Variants in WDR47 observed in about 807,000 individuals in gnomAD.
WDR47 encodes WD repeat-containing protein 47.
A neutral mutation model predicts 97.2 loss-of-function variants in WDR47; 32 were observed. The observed-to-expected ratio is 0.33, with a 90% CI of 0.25 to 0.44. WDR47 has a LOEUF of 0.44. WDR47 is among the 20% of genes least tolerant of loss of function. The pLI is 1.00. For missense variants in WDR47, 782 were observed against 1,102.3 expected (o/e 0.71, Z 4.11); for synonymous variants, 375 against 373.5 (o/e 1.00, Z -0.05).
chr1:108,985,238 C>T (rs910105151), intron 10 of WDR47, among the ~76,000 whole-genome samples: 15 of 152,174 alleles, frequency 9.9e-5, no homozygotes, highest in South Asian at 2.1e-4. Context: ...TCTATCTCTG[C>T]GGCCTTATCA....
At chr1:109,035,434 C>G (rs1468816960) in intron 1 of WDR47, among the ~76,000 whole-genome samples, 2 of 151,746 alleles carry the variant, frequency 1.3e-5, no homozygotes, top group Admixed American at 6.6e-5. Context: ...AGTTAACAAC[C>G]AATATATATT....
chr1:109,011,375 T>G lies in WDR47; in HGVS notation c.671A>C (p.Glu224Ala). ...KATGEEITES[E>A]VLLGIDLLCG... is the part of the protein sequence containing the mutation. ...TAAGAGGTCGATGCCAAGAAGCACTTCGCTTTCTGTAATTTCTTCTCCAGT... is the reference window on the plus strand; with the variant it reads ...TAAGAGGTCGATGCCAAGAAGCACTGCGCTTTCTGTAATTTCTTCTCCAGT... Residue 224 changes from glutamate (E) to alanine (A), a missense_variant, in exon 5 of 15, where the codon GAA (glutamate) becomes GCA (alanine). Around this residue, in one of 3 missense-constraint regions of WDR47, gnomAD observed 428 missense variants for 584.3 expected, o/e 0.73. Coordinates refer to ENST00000369962, the MANE Select transcript of WDR47 (RefSeq NM_001142551.2). The G allele has an allele frequency of 1.9e-6, 3 of 1,614,228 alleles. No homozygotes were observed. Among genetic ancestry groups the G allele is most frequent in the Non-Finnish European group, 2.5e-6 (3 of 1,180,040 alleles).
At position 109,030,792 on chromosome 1, in the gene WDR47, G is replaced by C. The variant is rs1246453607; in HGVS notation, c.-9-7271C>G. 6.0e-5 allele frequency among the ~76,000 whole-genome samples: 8 copies of C among 134,424 alleles called. 2 individuals carry two copies. Among genetic ancestry groups the C allele is most frequent in the Admixed American group, 2.5e-4 (3 of 12,216 alleles). The allele number at this position is 134,424 out of a possible 152,430, so 88.2% of individuals were successfully genotyped here. A position where few individuals can be genotyped will look rare whatever the true frequency, so the allele number is the denominator to read the frequency against. ...AAAAAAAAGGAGAAAAAAACTGCTA[G>C]CTGTTTTTAATAACATGGCATTCAA... On this transcript the variant is annotated intron_variant, in intron 1 of 14. Transcript: ENST00000369962.
In WDR47 at chr1:109,030,429, G is replaced by A. The variant is rs1008108072; in HGVS notation, c.-9-6908C>T. 5.2e-5 allele frequency: 18 copies of A among 347,652 alleles called. No individual in the cohort carries two copies. In the Admixed American group the frequency reaches 5.5e-4, roughly 11 times the overall value. The allele number at this position is 347,652 out of a possible 1,614,324, so 21.5% of individuals were successfully genotyped here. ...AAATTAAATGTTCATCTGCAATGCG[G>A]TTACTTAAACACACATTATGAAGGA... is the stretch of plus-strand genomic sequence containing the variant. On this transcript the variant is annotated intron_variant, in intron 1 of 14. Coordinates refer to ENST00000369962, the MANE Select transcript of WDR47 (RefSeq NM_001142551.2).
chr1:109,037,562 G>A (rs1197674348), intron 1 of WDR47, among the ~76,000 whole-genome samples: 1 of 149,316 alleles, frequency 6.7e-6, no homozygotes, highest in Non-Finnish European at 1.5e-5. Context: ...GGGAGGCGGA[G>A]CTTGCAGTGA....
chr1:109,028,017 C>A (rs1295463016), intron 1 of WDR47, among the ~76,000 whole-genome samples: 1 of 152,232 alleles, frequency 6.6e-6, no homozygotes, highest in East Asian at 1.9e-4. Flanking sequence ...AGCTATAAAT[C>A]TGCAAAAGAT....
intron 5 of WDR47, among the ~76,000 whole-genome samples, chr1:109,005,043 C>CA (rs1457461996): frequency 2.0e-5 from 3 of 152,084 alleles, no homozygotes; most frequent in Non-Finnish European, 4.4e-5. Context: ...CCACACTCCC[C>CA]AGTCTCCCAA....
chr1:109,027,654 G>T (rs1272447519), intron 1 of WDR47, among the ~76,000 whole-genome samples: 1 of 152,084 alleles, frequency 6.6e-6, no homozygotes, highest in Non-Finnish European at 1.5e-5. Flanking sequence ...CTCCCAAGTA[G>T]CTGGGATCAC....
At chr1:109,000,821 A>T (rs1660130435) in intron 7 of WDR47, among the ~76,000 whole-genome samples, 1 of 152,206 alleles carries the variant, frequency 6.6e-6, no homozygotes, top group Non-Finnish European at 1.5e-5. Flanking sequence ...TTGTTGAATC[A>T]AGTGAAGAGC....
At chr1:108,975,781 G>A (rs1657843963) in intron 13 of WDR47, among the ~76,000 whole-genome samples, 1 of 151,602 alleles carries the variant, frequency 6.6e-6, no homozygotes, top group Non-Finnish European at 1.5e-5. Context: ...ACAATAAACA[G>A]CATAAATAAG....
rs751331820 is a variant in WDR47, at chr1:108,983,324, C to T, written c.2053G>A (p.Val685Ile). The change falls in exon 11 of 15, where the codon GTC becomes ATC. Residue 685 changes from valine to isoleucine, a missense_variant. By Grantham distance (29) the Val-to-Ile change is conservative. Around this residue, in one of 3 missense-constraint regions of WDR47, gnomAD observed 228 missense variants for 396.7 expected, o/e 0.57. Transcript: ENST00000369962. ...LLATGSNDKY[V>I]KVLPFNAETC... is the part of the protein sequence containing the mutation. The stretch of plus-strand genomic sequence containing the variant: ...TCTGCATTGAAGGGCAGCACTTTGA[C>T]GTATTTGTCATTTGATCCTGTTGCT... 10 of 1,612,244 alleles carry T rather than the reference C, an allele frequency of 6.2e-6. No homozygotes were observed. Among genetic ancestry groups the T allele is most frequent in the South Asian group, 5.5e-5 (5 of 90,862 alleles).
chr1:109,001,207 C>T (rs1018255859), intron 7 of WDR47, among the ~76,000 whole-genome samples: 2 of 151,826 alleles, frequency 1.3e-5, no homozygotes, highest in African/African-American at 2.4e-5. Context: ...GAGAATTGCT[C>T]GAACTCAGGA....
chr1:109,017,776 T>C lies in WDR47; in HGVS notation c.159-175A>G, dbSNP rs567762460. ...TTTTTTTTTTTTTTGAGACAGAGTG[T>C]CGCTCTGTTGCCCAGGCTGGAGTGC... On this transcript the variant is annotated intron_variant, in intron 2 of 14. Transcript: ENST00000369962. Among the ~76,000 whole-genome samples, 6 of 150,518 alleles carry C rather than the reference T, an allele frequency of 4.0e-5. No homozygotes were observed. In the South Asian group the frequency reaches 1.3e-3, roughly 32 times the overall value.
chr1:109,010,857 C>T lies in WDR47; in HGVS notation c.1130+59G>A, dbSNP rs901952684. 56 of 1,509,966 alleles carry T rather than the reference C, an allele frequency of 3.7e-5. No individual in the cohort carries two copies. In the African/African-American group the frequency reaches 5.3e-4, roughly 14 times the overall value. 93.5% of individuals were successfully genotyped at this position (1,509,966 alleles called of 1,614,324 possible). On this transcript the variant is annotated intron_variant, in intron 5 of 14. Coordinates refer to ENST00000369962, the MANE Select transcript of WDR47 (RefSeq NM_001142551.2). Reference sequence around the variant, plus strand: ...TCGGCCTCCCAAAGTGCTGGGATTACAGGCATAAGCCACTGCACCCGGCCT... The same window carrying T: ...TCGGCCTCCCAAAGTGCTGGGATTATAGGCATAAGCCACTGCACCCGGCCT...
chr1:108,999,154 G>A (rs895871101), intron 7 of WDR47, among the ~76,000 whole-genome samples: 2 of 151,738 alleles, frequency 1.3e-5, no homozygotes, highest in East Asian at 3.9e-4. Context: ...TTAAACCTGG[G>A]AGGCAGAGGT....
chr1:108,988,122 G>A (rs936737933), intron 9 of WDR47, among the ~76,000 whole-genome samples: 17 of 148,922 alleles, frequency 1.1e-4, no homozygotes, highest in Non-Finnish European at 2.5e-4. Context: ...GTATGCACCT[G>A]TAGTCTCAGC....
intron 7 of WDR47, among the ~76,000 whole-genome samples, chr1:108,998,059 TA>T (rs1051137187): frequency 3.9e-5 from 6 of 152,236 alleles, no homozygotes; most frequent in Non-Finnish European, 8.8e-5. Context: ...ATTTATCAGT[TA>T]AAAATTATAA....
At chr1:108,991,366 G>T (rs766857141) in intron 8 of WDR47, 37 bp from the exon 9 acceptor site, 4 of 1,553,232 alleles carry the variant, frequency 2.6e-6, no homozygotes, top group Admixed American at 1.8e-5. Context: ...TTTACTCCAT[G>T]TATCAAAATA....
intron 7 of WDR47, among the ~76,000 whole-genome samples, chr1:109,000,026 A>G (rs1660060634): frequency 6.6e-6 from 1 of 152,196 alleles, no homozygotes. Flanking sequence ...AGGCCTATTT[A>G]GACTCTTGAG....
Sources: allele counts gnomAD v4.1 joint callset (sites outside exome capture counted in the v4.1 genomes callset), GRCh38; gene constraint gnomAD v4.1.1; regional missense constraint gnomAD v4.1.1; transcripts MANE v1.5; gene names NCBI Gene and HGNC (gene_info 2026-07-23, HGNC 2026-07-21).